BICRAL: variants seen among roughly 807,000 people sequenced by gnomAD.
BICRAL encodes the protein BICRA like chromatin remodeling complex associated protein.
BICRAL carries 8 observed loss-of-function variants against 91.8 expected under a neutral mutation model. The observed-to-expected ratio is 0.09, with a 90% CI of 0.05 to 0.16. The LOEUF is 0.16. BICRAL is among the 10% of genes least tolerant of loss of function. The probability of loss-of-function intolerance (pLI) is 1.00; values close to 1 mark genes in which losing one functional copy is unlikely to be tolerated. For synonymous variants in BICRAL, 445 were observed against 491.1 expected, an observed-to-expected ratio of 0.91 and a Z score of 1.24; for missense variants, 1,038 against 1,310.9, an observed-to-expected ratio of 0.79 and a Z score of 3.21.
At chr6:42,778,627 A>C (rs144235356), upstream of BICRAL, among the ~76,000 whole-genome samples, 1 of 152,308 alleles carries the variant, frequency 6.6e-6, no homozygotes, top group Non-Finnish European at 1.5e-5. Flanking sequence ...TCAAAGTCAG[A>C]TTTCAGTTTC....
chr6:42,817,282 T>C (rs1231783298), intron 2 of BICRAL, among the ~76,000 whole-genome samples: 2 of 152,064 alleles, frequency 1.3e-5, no homozygotes, highest in African/African-American at 4.8e-5. Context: ...CAAGTTAGTA[T>C]GATTAAAACT....
At chr6:42,812,488 A>T (rs928188565) in intron 2 of BICRAL, among the ~76,000 whole-genome samples, 1 of 152,166 alleles carries the variant, frequency 6.6e-6, no homozygotes, top group African/African-American at 2.4e-5. Context: ...TAGTGGAAAG[A>T]TTAAACAAAT....
At chr6:42,836,080 C>T (rs772543930) in intron 6 of BICRAL, among the ~76,000 whole-genome samples, 8 of 152,176 alleles carry the variant, frequency 5.3e-5, no homozygotes, top group South Asian at 2.1e-4. Flanking sequence ...TGTATTCCCC[C>T]AGAGCTATCC....
At chr6:42,819,231 G>A (rs1027742205) in intron 2 of BICRAL, among the ~76,000 whole-genome samples, 1 of 151,762 alleles carries the variant, frequency 6.6e-6, no homozygotes, top group South Asian at 2.1e-4. Context: ...TCACTTTTAG[G>A]TCATTAGTGA....
chr6:42,829,062 G>A lies in BICRAL; in HGVS notation c.729G>A (p.Gln243=). The part of the protein sequence containing the change: ...GSQIILKGSG[Q]QAPSNVSGGL... ...AAATCATATTAAAGGGCAGCGGGCAGCAAGCCCCATCAAATGTGAGTGGAG... is the reference window on the plus strand; with the variant it reads ...AAATCATATTAAAGGGCAGCGGGCAACAAGCCCCATCAAATGTGAGTGGAG... Residue 243 remains glutamine, a synonymous_variant, in exon 6 of 13, where the codon CAG becomes CAA. Transcript: ENST00000314073. 6.2e-7 allele frequency: 1 copy of A among 1,614,090 alleles called. No homozygotes were observed. The highest frequency in any genetic ancestry group is 8.5e-7 in the Non-Finnish European group (1 of 1,179,932).
intron 2 of BICRAL, among the ~76,000 whole-genome samples, chr6:42,814,942 A>G (rs926451209): frequency 3.3e-5 from 5 of 150,032 alleles, no homozygotes; most frequent in South Asian, 2.1e-4. Context: ...ACAGGGTCTC[A>G]CTCTATCACC....
intron 6 of BICRAL, among the ~76,000 whole-genome samples, chr6:42,849,260 T>A (rs1222393400): frequency 6.6e-6 from 1 of 152,054 alleles, no homozygotes; most frequent in African/African-American, 2.4e-5. Flanking sequence ...GCTAATTTTT[T>A]AATTTTGTAG....
intron 6 of BICRAL, among the ~76,000 whole-genome samples, chr6:42,837,751 CAAAA>C (rs778479605): frequency 9.3e-6 from 1 of 108,094 alleles, no homozygotes; most frequent in Admixed American, 9.9e-5. Flanking sequence ...GACTCCATCT[CAAAA>C]AAAAAAAAAA....
chr6:42,773,779 G>A (rs1762774936), intron 1 of BICRAL, among the ~76,000 whole-genome samples: 1 of 152,174 alleles, frequency 6.6e-6, no homozygotes, highest in Non-Finnish European at 1.5e-5. Context: ...CTTCCCAAAA[G>A]TGCTGGGATT....
chr6:42,840,198 A>G (rs1249774920), intron 6 of BICRAL, among the ~76,000 whole-genome samples: 1 of 151,488 alleles, frequency 6.6e-6, no homozygotes, highest in East Asian at 1.9e-4. Context: ...CACTCAGACA[A>G]ATCTCTTTAT....
chr6:42,748,828 G>T (rs946035354), intron 1 of BICRAL, among the ~76,000 whole-genome samples: 2 of 152,244 alleles, frequency 1.3e-5, no homozygotes, highest in African/African-American at 2.4e-5. Context: ...CTGCGAAATG[G>T]CTGGCATTGC....
chr6:42,798,297 T>A (rs778738264), intron 1 of BICRAL, among the ~76,000 whole-genome samples: 4 of 151,862 alleles, frequency 2.6e-5, no homozygotes, highest in Non-Finnish European at 5.9e-5. Flanking sequence ...GTATGCAATA[T>A]ACCCATGTAA....
intron 10 of BICRAL, 137 bp from the exon 11 acceptor site, chr6:42,860,125 C>A: frequency 3.3e-6 from 2 of 604,014 alleles, no homozygotes; most frequent in Admixed American, 2.6e-5. Flanking sequence ...GGGAAAAGCT[C>A]ATCTAAGAAG....
chr6:42,855,862 A>C lies in BICRAL; in HGVS notation c.2053A>C (p.Ser685Arg). 6.2e-7 allele frequency: 1 copy of C among 1,612,712 alleles called. No individual in the cohort carries two copies. Among genetic ancestry groups the C allele is most frequent in the African/African-American group, 1.3e-5 (1 of 74,920 alleles). Residue 685 changes from serine (S) to arginine (R), a missense_variant, in exon 9 of 13, where the codon AGT becomes CGT. Coordinates refer to ENST00000314073, the MANE Select transcript of BICRAL (RefSeq NM_001393499.1). ...AGGTTTGTTTTGTCTTTAGGTGGAGAGTCATTCGGGAGGACAAAAAAGGCC... is the reference window on the plus strand; with the variant it reads ...AGGTTTGTTTTGTCTTTAGGTGGAGCGTCATTCGGGAGGACAAAAAAGGCC... ...SPGHPAVQVE[S>R]HSGGQKRPAA...
At chr6:42,815,594 CCTCT>C (rs1320664633) in intron 2 of BICRAL, among the ~76,000 whole-genome samples, 1 of 152,062 alleles carries the variant, frequency 6.6e-6, no homozygotes, top group Non-Finnish European at 1.5e-5. Context: ...AGATTTTCTC[CCTCT>C]GTGTGGAAAA....
chr6:42,803,266 C>T (rs1763625217), intron 1 of BICRAL, among the ~76,000 whole-genome samples: 1 of 152,196 alleles, frequency 6.6e-6, no homozygotes, highest in African/African-American at 2.4e-5. Context: ...GAAGGACACA[C>T]AATCTTTTAT....
In BICRAL at chr6:42,829,841, A is replaced by C. The variant is rs1248181717; in HGVS notation, c.1508A>C (p.Gln503Pro). The C allele has an allele frequency of 3.7e-6, 6 of 1,614,078 alleles. No homozygotes were observed. In the Admixed American group the frequency reaches 6.7e-5, roughly 18 times the overall value. Residue 503 changes from glutamine (Q) to proline (P), a missense_variant, in exon 6 of 13, where the codon CAG becomes CCG. Gln to Pro is a moderately conservative substitution (Grantham distance 76). Transcript: ENST00000314073. ...QLVGGQMPLQ[Q>P]ASPTVLHLSP... The stretch of plus-strand genomic sequence containing the variant: ...GTGGGTGGACAGATGCCCTTGCAGC[A>C]GGCATCCCCAACTGTATTACACCTG...
intron 1 of BICRAL, among the ~76,000 whole-genome samples, chr6:42,789,370 A>G (rs1334477887): frequency 3.3e-5 from 5 of 152,276 alleles, no homozygotes; most frequent in East Asian, 3.9e-4. Context: ...GGCTGGGCCC[A>G]TGGCTCACAC....
At chr6:42,813,824 A>G (rs1259102956) in intron 2 of BICRAL, among the ~76,000 whole-genome samples, 6 of 151,984 alleles carry the variant, frequency 3.9e-5, no homozygotes, top group Non-Finnish European at 2.9e-5. Context: ...CCCATCTCAC[A>G]CTCTTTAAAG....
Sources: allele counts gnomAD v4.1 joint callset (sites outside exome capture counted in the v4.1 genomes callset), GRCh38; gene constraint gnomAD v4.1.1; transcripts MANE v1.5; gene names NCBI Gene and HGNC (gene_info 2026-07-23, HGNC 2026-07-21).